SBF2: variants seen among roughly 807,000 people sequenced by gnomAD.
SBF2 encodes the protein myotubularin-related protein 13.
Under a neutral mutation model 225.2 loss-of-function variants are expected in SBF2, and 112 were observed. That is an observed-to-expected ratio of 0.50 (90% confidence interval 0.43 to 0.58). SBF2 has a LOEUF of 0.58. Ranked by LOEUF, SBF2 falls within the 20% of genes least tolerant of loss-of-function variation. SBF2 has a pLI of 0.00. For missense variants in SBF2, 1,996 were observed against 2,206.2 expected, an observed-to-expected ratio of 0.90 and a Z score of 1.91; for synonymous variants, 763 against 773.3, an observed-to-expected ratio of 0.99 and a Z score of 0.22.
chr11:9,859,901 C>T (rs1173997442), intron 17 of SBF2, among the ~76,000 whole-genome samples: 1 of 152,200 alleles, frequency 6.6e-6, no homozygotes, highest in Non-Finnish European at 1.5e-5. Flanking sequence ...TGTGTTACTG[C>T]TGCTGAGGTA....
chr11:10,103,478 G>A (rs532947416), intron 2 of SBF2, among the ~76,000 whole-genome samples: 28 of 152,242 alleles, frequency 1.8e-4, no homozygotes, highest in African/African-American at 6.5e-4. Flanking sequence ...TTAGTATATG[G>A]TACCAGTAAT....
chr11:10,015,125 C>T (rs529778898), intron 6 of SBF2, among the ~76,000 whole-genome samples: 77 of 152,096 alleles, frequency 5.1e-4, no homozygotes, highest in Admixed American at 1.4e-3. Flanking sequence ...CAAAGCAAGA[C>T]GCACCCTGTC....
intron 2 of SBF2, among the ~76,000 whole-genome samples, chr11:10,169,193 C>A (rs1213082623): frequency 6.6e-6 from 1 of 152,064 alleles, no homozygotes; most frequent in African/African-American, 2.4e-5. Flanking sequence ...TGCAATTATA[C>A]TCCTTTAGCT....
chr11:10,034,301 A>G (rs760857297), intron 3 of SBF2, among the ~76,000 whole-genome samples: 4 of 152,180 alleles, frequency 2.6e-5, no homozygotes, highest in Non-Finnish European at 2.9e-5. Flanking sequence ...GTAGTTCATC[A>G]TCTCTGTGCT....
intron 17 of SBF2, among the ~76,000 whole-genome samples, chr11:9,861,298 G>A (rs1336590423): frequency 1.3e-5 from 2 of 152,114 alleles, no homozygotes; most frequent in Non-Finnish European, 2.9e-5. Flanking sequence ...GGGCTTAAGG[G>A]ATTCTCCCGC....
rs142672124 is a variant in SBF2, at chr11:9,787,661, G to T, written c.5010C>A (p.Asp1670Glu). Residue 1670 changes from aspartate to glutamate, a missense_variant, in exon 36 of 40, where the codon GAC becomes GAA. Transcript: ENST00000256190. The stretch of plus-strand genomic sequence containing the variant: ...GATCTGTTCTTGGTTCTTCTTTAAG[G>T]TCCACGGTTACCCTTTCCCACAGCT... The part of the protein sequence containing the change: ...WQQLWERVTV[D>E]LKEEPRTDRS... 2 of 1,614,168 alleles carry T rather than the reference G, an allele frequency of 1.2e-6. No individual in the cohort carries two copies.
intron 1 of SBF2, among the ~76,000 whole-genome samples, chr11:10,283,618 A>G (rs1031010911): frequency 6.6e-6 from 1 of 151,900 alleles, no homozygotes; most frequent in Non-Finnish European, 1.5e-5. Context: ...ATTAATGGAC[A>G]GAAGAAATAA....
intron 1 of SBF2, among the ~76,000 whole-genome samples, chr11:10,264,317 AC>A (rs199499837): frequency 0.021 from 3,255 of 152,266 alleles, 88 homozygotes; most frequent in African/African-American, 0.064. Context: ...GTTGAGAATA[AC>A]TGACAGAGTT....
intron 1 of SBF2, among the ~76,000 whole-genome samples, chr11:10,246,434 C>T (rs1565396992): frequency 6.6e-6 from 1 of 152,146 alleles, no homozygotes; most frequent in Non-Finnish European, 1.5e-5. Context: ...CAAGCGTTTG[C>T]CACCATGCCC....
At position 10,172,443 on chromosome 11, in the gene SBF2, C is replaced by T. The variant is rs572894622; in HGVS notation, c.141+21459G>A. ...CTCAGCTCACTGCAACCTCCACCTC[C>T]CAGGTTCAAGGGATTCTCCTGCCTC... On this transcript the variant is annotated intron_variant, in intron 2 of 39. Transcript: ENST00000256190. Among the ~76,000 whole-genome samples, 8 of 152,264 alleles carry T rather than the reference C, an allele frequency of 5.3e-5. No individual in the cohort carries two copies. In the South Asian group the frequency reaches 1.7e-3, roughly 32 times the overall value.
In SBF2 at chr11:9,778,693, A is replaced by G. The variant is rs1021779048; in HGVS notation, c.*1725T>C. Reference sequence around the variant, plus strand: ...TGGGTCATGCTTTGTTTTATTCTTGAACCTTTAGTCCCATGTATGAATCCT... The same window carrying G: ...TGGGTCATGCTTTGTTTTATTCTTGGACCTTTAGTCCCATGTATGAATCCT... On this transcript the variant is annotated 3_prime_UTR_variant, in exon 40 of 40. Transcript: ENST00000256190. 1.3e-5 allele frequency: 2 copies of G among 152,604 alleles called. No individual in the cohort carries two copies. Among genetic ancestry groups the G allele is most frequent in the African/African-American group, 4.8e-5 (2 of 41,454 alleles). 9.5% of individuals were successfully genotyped at this position (152,604 alleles called of 1,614,324 possible).
chr11:9,808,962 ACTTCTG>A lies in SBF2; in HGVS notation c.4190_4195del (p.Ser1397_Val1399delinsLeu). The A allele has an allele frequency of 6.2e-7, 1 of 1,614,106 alleles. No homozygotes were observed. On this transcript the variant is annotated inframe_deletion, in exon 31 of 40. Coordinates refer to ENST00000256190, the MANE Select transcript of SBF2 (RefSeq NM_030962.4). ...CAAAACTGAGGAACCATTCTCAAGT[ACTTCTG>A]ATACAACCACAGCCAGCTGCATTAT...
At chr11:10,023,235 G>A (rs61877044) in intron 6 of SBF2, among the ~76,000 whole-genome samples, 16,044 of 151,986 alleles carry the variant, frequency 0.11, 954 homozygotes, top group Non-Finnish European at 0.11. Context: ...TGAATTCATG[G>A]ATCTTAAAAT....
At chr11:10,235,449 C>T (rs1240062149) in intron 1 of SBF2, among the ~76,000 whole-genome samples, 2 of 151,880 alleles carry the variant, frequency 1.3e-5, no homozygotes, top group Admixed American at 6.6e-5. Context: ...ATCGCTTGAA[C>T]CCGGGAGGGA....
intron 2 of SBF2, among the ~76,000 whole-genome samples, chr11:10,102,052 AATTTTCTGGGAATAAAG>A (rs1443656804): frequency 6.6e-6 from 1 of 152,160 alleles, no homozygotes; most frequent in Non-Finnish European, 1.5e-5. Flanking sequence ...TGATTTTAGT[AATTTTCTGGGAATAAAG>A]ACAGTTTTAA....
At chr11:10,161,208 T>C (rs190793442) in intron 2 of SBF2, among the ~76,000 whole-genome samples, 1 of 86,086 alleles carries the variant, frequency 1.2e-5, no homozygotes, top group African/African-American at 4.6e-5. Context: ...AAAAAAAAAA[T>C]AGGTCATAAG....
In SBF2 at chr11:10,132,445, T is replaced by C. The variant is rs553112468; in HGVS notation, c.141+61457A>G. 7.3e-5 allele frequency among the ~76,000 whole-genome samples: 11 copies of C among 150,756 alleles called. No individual in the cohort carries two copies. In the South Asian group the frequency reaches 2.3e-3, roughly 32 times the overall value. On this transcript the variant is annotated intron_variant, in intron 2 of 39. Transcript: ENST00000256190. ...GTCTGTCCCTTCTGATGTTCAGATG[T>C]GTTTGGAGTTTCTTCCTTCTGGTGG...
chr11:10,167,937 G>A (rs898941940), intron 2 of SBF2, among the ~76,000 whole-genome samples: 2 of 152,234 alleles, frequency 1.3e-5, no homozygotes, highest in African/African-American at 2.4e-5. Context: ...AGAATCACTT[G>A]AGTCCCGGAG....
At chr11:10,124,551 T>A (rs1253405325) in intron 2 of SBF2, among the ~76,000 whole-genome samples, 1 of 152,230 alleles carries the variant, frequency 6.6e-6, no homozygotes, top group Non-Finnish European at 1.5e-5. Context: ...TATCAAGTTT[T>A]ATTATCTTAC....
Sources: gnomAD v4.1 joint callset for allele counts (sites outside exome capture counted in the v4.1 genomes callset) on GRCh38, gnomAD v4.1.1 for gene constraint, MANE v1.5 for transcripts, NCBI Gene and HGNC (gene_info 2026-07-23, HGNC 2026-07-21) for gene names.